PGBD5: variants seen among roughly 807,000 people sequenced by gnomAD.
PGBD5 encodes the protein piggyBac transposable element-derived protein 5.
A neutral mutation model predicts 47.9 loss-of-function variants in PGBD5; 14 were observed. The observed-to-expected ratio is 0.29, with a 90% CI of 0.19 to 0.46. The LOEUF is 0.46. Among genes scored for constraint, PGBD5 ranks in the 20% least tolerant of loss-of-function variants. PGBD5 has a pLI of 1.00. For missense variants in PGBD5, 635 were observed against 716.0 expected (o/e 0.89, Z 1.29); for synonymous variants, 316 against 306.3 (o/e 1.03, Z -0.33).
chr1:230,395,331 C>A, intron 1 of PGBD5, among the ~76,000 whole-genome samples: 1 of 54,108 alleles, frequency 1.8e-5, no homozygotes, highest in Non-Finnish European at 3.6e-5. Flanking sequence ...TCACACTCCT[C>A]CCCATCCCAG....
chr1:230,320,436 A>G lies in PGBD5; in HGVS notation c.*2989T>C, dbSNP rs947025955. 6.6e-5 allele frequency: 10 copies of G among 152,178 alleles called. No individual in the cohort carries two copies. The East Asian group carries it at 1.5e-3, about 23-fold the overall frequency. 9.4% of individuals were successfully genotyped at this position (152,178 alleles called of 1,614,324 possible). A position where few individuals can be genotyped will look rare whatever the true frequency, so the allele number is the denominator to read the frequency against. ...AGTTTTTGTGGGTGTTTTGTTTTGC[A>G]TAAGGCTGGGAAGCTCATTGCTCCA... On this transcript the variant is annotated 3_prime_UTR_variant, in exon 7 of 7. Coordinates refer to ENST00000391860, the MANE Select transcript of PGBD5 (RefSeq NM_001258311.2).
intron 1 of PGBD5, among the ~76,000 whole-genome samples, chr1:230,381,764 C>G (rs972345126): frequency 5.9e-5 from 9 of 152,194 alleles, no homozygotes; most frequent in African/African-American, 1.9e-4. Context: ...CCTTGCAACT[C>G]CACAGCTGGG....
intron 5 of PGBD5, among the ~76,000 whole-genome samples, chr1:230,329,130 G>GA (rs1553281248): frequency 4.0e-5 from 6 of 151,236 alleles, no homozygotes; most frequent in African/African-American, 1.2e-4. Context: ...TTTGGGGGGG[G>GA]AGGTGGTATT....
chr1:230,405,384 A>T (rs1485901527), intron 1 of PGBD5, among the ~76,000 whole-genome samples: 1 of 152,106 alleles, frequency 6.6e-6, no homozygotes, highest in African/African-American at 2.4e-5. Context: ...GGCGTGGATG[A>T]TCCACCTCCA....
rs1012627770 is a variant in PGBD5 at position 230,377,517 on chromosome 1, C to T, written c.332-20196G>A. 3.7e-6 allele frequency: 6 copies of T among 1,612,934 alleles called. No homozygotes were observed. The African/African-American group carries it at 8.0e-5, about 21-fold the overall frequency. ...CTGTACCTGTGAATGAATCGCTTGGCTGCAGATCCCGGCCGGGCACTATGC... is the reference window on the plus strand; with the variant it reads ...CTGTACCTGTGAATGAATCGCTTGGTTGCAGATCCCGGCCGGGCACTATGC... On this transcript the variant is annotated intron_variant, in intron 1 of 6. Coordinates refer to ENST00000391860, the MANE Select transcript of PGBD5 (RefSeq NM_001258311.2).
chr1:230,344,140 C>T (rs1667444448), intron 3 of PGBD5, among the ~76,000 whole-genome samples: 1 of 152,142 alleles, frequency 6.6e-6, no homozygotes, highest in Non-Finnish European at 1.5e-5. Flanking sequence ...AAAAATTTAG[C>T]CGGGCGTGGT....
rs891901804 is a variant in PGBD5 at position 230,318,925 on chromosome 1, G to C, written c.*4500C>G. ...GCTCCAAAACACCCATCTCCATCTA[G>C]GACAAGAAAAGGACCCAGGGGGAGG... On this transcript the variant is annotated 3_prime_UTR_variant, in exon 7 of 7. Coordinates refer to ENST00000391860, the MANE Select transcript of PGBD5 (RefSeq NM_001258311.2). The C allele has an allele frequency of 6.6e-6, 1 of 152,292 alleles. No homozygotes were observed. 9.4% of individuals were successfully genotyped at this position (152,292 alleles called of 1,614,324 possible).
intron 1 of PGBD5, among the ~76,000 whole-genome samples, chr1:230,420,343 AATGT>A (rs1657619657): frequency 6.6e-6 from 1 of 152,198 alleles, no homozygotes; most frequent in Non-Finnish European, 1.5e-5. Flanking sequence ...CCCTCAACAA[AATGT>A]AATGTAAGAT....
chr1:230,379,853 A>G (rs1252167311), intron 1 of PGBD5, among the ~76,000 whole-genome samples: 1 of 152,216 alleles, frequency 6.6e-6, no homozygotes, highest in Non-Finnish European at 1.5e-5. Flanking sequence ...CCCCTCTGAA[A>G]TCTTATCATC....
intron 1 of PGBD5, among the ~76,000 whole-genome samples, chr1:230,401,688 C>T (rs182719515): frequency 2.9e-4 from 44 of 152,348 alleles, no homozygotes; most frequent in African/African-American, 1.0e-3. Context: ...TTCTGCTGCC[C>T]GGCCTTTCCC....
intron 1 of PGBD5, among the ~76,000 whole-genome samples, chr1:230,392,256 GA>G: frequency 6.6e-6 from 1 of 152,298 alleles, no homozygotes; most frequent in Non-Finnish European, 1.5e-5. Context: ...GTCCTTTGGG[GA>G]TAAGCACTGA....
chr1:230,401,118 C>A (rs527536626), intron 1 of PGBD5, among the ~76,000 whole-genome samples: 1 of 152,326 alleles, frequency 6.6e-6, no homozygotes, highest in East Asian at 1.9e-4. Context: ...GAAGGCACAG[C>A]CCTACGCAGA....
At chr1:230,356,027 C>G (rs781619770) in intron 2 of PGBD5, among the ~76,000 whole-genome samples, 5 of 152,148 alleles carry the variant, frequency 3.3e-5, no homozygotes, top group African/African-American at 7.2e-5. Context: ...TTTAGAAGAG[C>G]CTTAGAAGCA....
chr1:230,356,823 G>A, intron 2 of PGBD5, 71 bp downstream of exon 2: 4 of 1,527,596 alleles, frequency 2.6e-6, no homozygotes, highest in Non-Finnish European at 3.5e-6. Context: ...CCAAAGCCCT[G>A]CCAACAGACA....
Position 230,315,684 on chromosome 1 carries a change from G to GTGTATATTTACACACACA in PGBD5, c.*7723_*7740dup, listed in dbSNP as rs1482856704. ...TGTATTTTATCGTGTGTGTATGTGT[G>GTGTATATTTACACACACA]TGTATATTTACACACACATACACAC... On this transcript the variant is annotated 3_prime_UTR_variant, in exon 7 of 7. Transcript: ENST00000391860. The GTGTATATTTACACACACA allele has an allele frequency of 6.6e-6, 1 of 151,268 alleles. No individual in the cohort carries two copies. The highest frequency in any genetic ancestry group is 1.5e-5 in the Non-Finnish European group (1 of 67,848). 9.4% of individuals were successfully genotyped at this position (151,268 alleles called of 1,614,324 possible).
At chr1:230,365,142 T>C (rs1050422477) in intron 1 of PGBD5, among the ~76,000 whole-genome samples, 1 of 149,914 alleles carries the variant, frequency 6.7e-6, no homozygotes, top group African/African-American at 2.5e-5. Flanking sequence ...TGAAACCCCA[T>C]CTCTACTAAA....
At chr1:230,324,110 C>T (rs1338249258) in intron 6 of PGBD5, among the ~76,000 whole-genome samples, 3 of 152,250 alleles carry the variant, frequency 2.0e-5, no homozygotes, top group South Asian at 2.1e-4. Flanking sequence ...ACACAGGTCA[C>T]CCCTCCGGGA....
At chr1:230,394,816 C>T (rs907275411) in intron 1 of PGBD5, among the ~76,000 whole-genome samples, 2 of 121,702 alleles carry the variant, frequency 1.6e-5, no homozygotes, top group Non-Finnish European at 3.5e-5. Context: ...CCTCTCCTCA[C>T]GCTCCTCCCT....
intron 1 of PGBD5, among the ~76,000 whole-genome samples, chr1:230,423,517 C>T (rs1185774992): frequency 6.6e-6 from 1 of 152,212 alleles, no homozygotes; most frequent in East Asian, 1.9e-4. Flanking sequence ...TCTCCCTCCA[C>T]ACTGGTAGGC....
Sources: gnomAD v4.1 joint callset for allele counts (sites outside exome capture counted in the v4.1 genomes callset) on GRCh38, gnomAD v4.1.1 for gene constraint, MANE v1.5 for transcripts, NCBI Gene and HGNC (gene_info 2026-07-23, HGNC 2026-07-21) for gene names.